The following PRC1 variants were observed in gnomAD, a reference collection of about 807,000 sequenced individuals.
The protein encoded by PRC1 is anaphase spindle elongation 1 homolog.
Under a neutral mutation model 91.2 loss-of-function variants are expected in PRC1, and 54 were observed. The observed-to-expected ratio is 0.59, with a 90% CI of 0.48 to 0.74. The LOEUF is 0.74. Ranked by LOEUF, PRC1 falls within the 30% of genes least tolerant of loss-of-function variation. PRC1 has a pLI of 0.00. For synonymous variants in PRC1, 275 were observed against 263.6 expected (o/e 1.04, Z -0.42); for missense variants, 727 against 746.2 (o/e 0.97, Z 0.30).
In PRC1 at chr15:90,984,549, A is replaced by T; in HGVS notation, c.144+144T>A. 1 of 1,277,020 alleles carries T rather than the reference A, an allele frequency of 7.8e-7. No individual in the cohort carries two copies. Among genetic ancestry groups the T allele is most frequent in the Non-Finnish European group, 1.1e-6 (1 of 926,586 alleles). The allele number at this position is 1,277,020 out of a possible 1,614,324, so 79.1% of individuals were successfully genotyped here. On this transcript the variant is annotated intron_variant, in intron 2 of 14. Transcript: ENST00000394249. This position sits in a 1 kb window ranked among gnomAD's most constrained non-coding sequence, Gnocchi z 5.1. Reference sequence around the variant, plus strand: ...CAGCCTCCTCAAATTTCAAGAAGGGACTTCAAAACCAAACCAAACCAAACA... The same window carrying T: ...CAGCCTCCTCAAATTTCAAGAAGGGTCTTCAAAACCAAACCAAACCAAACA...
chr15:90,969,429 T>A lies in PRC1; in HGVS notation c.1749+18A>T, dbSNP rs751542807. ...TGTGCTCCCCAGAGACTGGTAGATA[T>A]TAGAAAAGGTGAATTACCGCAAACT... On this transcript the variant is annotated intron_variant, in intron 13 of 14. Coordinates refer to ENST00000394249, the MANE Select transcript of PRC1 (RefSeq NM_003981.4). 2 of 1,576,182 alleles carry A rather than the reference T, an allele frequency of 1.3e-6. No homozygotes were observed. Among genetic ancestry groups the A allele is most frequent in the East Asian group, 2.2e-5 (1 of 44,496 alleles).
rs12911192 is a variant in PRC1 at position 90,970,444 on chromosome 15, T to C, written c.1532A>G (p.Tyr511Cys). 0.068 allele frequency: 108,919 copies of C among 1,613,012 alleles called. 4,426 individuals are homozygous for C. Among genetic ancestry groups the C allele is most frequent in the South Asian group, 0.15 (13,697 of 91,020 alleles). The part of the protein sequence containing the change: ...SIRPIFGGTV[Y>C]HSPVSRLPPS... The stretch of plus-strand genomic sequence containing the variant: ...AGGAAGTCGAGACACGGGGGAGTGG[T>C]AGACTGTCCCTCCAAAGATAGGCCG... Residue 511 changes from tyrosine (Y) to cysteine (C), a missense_variant, in exon 12 of 15, where the codon TAC becomes TGC. Coordinates refer to ENST00000394249, the MANE Select transcript of PRC1 (RefSeq NM_003981.4).
Position 90,974,028 on chromosome 15 carries a change from A to T in PRC1, c.1461+108T>A. 2.3e-6 allele frequency: 2 copies of T among 862,072 alleles called. No homozygotes were observed. The highest frequency in any genetic ancestry group is 3.8e-6 in the Non-Finnish European group (2 of 526,462). The allele number at this position is 862,072 out of a possible 1,614,324, so 53.4% of individuals were successfully genotyped here. A position where few individuals can be genotyped will look rare whatever the true frequency, so the allele number is the denominator to read the frequency against. On this transcript the variant is annotated intron_variant, in intron 11 of 14. Transcript: ENST00000394249. This position sits in a 1 kb window ranked among gnomAD's most constrained non-coding sequence, Gnocchi z 4.6. Reference sequence around the variant, plus strand: ...TTTTCTCTGTCTCTTGTCCCACCTGATGAGAAATACCCACAGGTGTGGAGG... The same window carrying T: ...TTTTCTCTGTCTCTTGTCCCACCTGTTGAGAAATACCCACAGGTGTGGAGG...
intron 14 of PRC1, chr15:90,967,941 C>A: frequency 1.0e-6 from 1 of 985,378 alleles, no homozygotes; most frequent in Non-Finnish European, 1.2e-6. Context: ...ATCTACCAAT[C>A]CCTGGGGCTG....
chr15:90,990,431 G>A (rs1434811676), intron 1 of PRC1, among the ~76,000 whole-genome samples: 2 of 145,246 alleles, frequency 1.4e-5, no homozygotes, highest in Admixed American at 1.4e-4. Context: ...TCTCTATGTT[G>A]CCCAAGCTGT....
In PRC1 at chr15:90,981,778, C is replaced by T. The variant is rs555279469; in HGVS notation, c.471G>A (p.Arg157=). The T allele has an allele frequency of 8.1e-6, 13 of 1,613,452 alleles. No individual in the cohort carries two copies. In the African/African-American group the frequency reaches 1.1e-4, roughly 13 times the overall value. ...TTTCCCTCAAAGTTGTCACATGTTG[C>T]CTGAACTGGTTCAGCTCTTCTAAGC... ...VPSLEELNQF[R]QHVTTLRETK... The change falls in exon 4 of 15, where the codon AGG becomes AGA. Residue 157 remains arginine (R), a synonymous_variant. Coordinates refer to ENST00000394249, the MANE Select transcript of PRC1 (RefSeq NM_003981.4).
At chr15:90,988,579 G>C (rs1421006226) in intron 1 of PRC1, 8 of 152,148 alleles carry the variant, frequency 5.3e-5, no homozygotes, top group Admixed American at 5.2e-4. Context: ...TGAACTTCCC[G>C]GGCATTTCCT....
chr15:90,993,098 AAAG>A (rs1312508584), intron 1 of PRC1, among the ~76,000 whole-genome samples: 15 of 149,682 alleles, frequency 1.0e-4, no homozygotes, highest in Non-Finnish European at 1.9e-4. Flanking sequence ...AAAAAAAAAA[AAAG>A]TTAATTATAT....
chr15:90,987,860 G>GAATGT (rs1442191630), intron 1 of PRC1: 4 of 152,138 alleles, frequency 2.6e-5, no homozygotes, highest in Non-Finnish European at 5.9e-5. Flanking sequence ...TCTCTCCAAA[G>GAATGT]CTGTTAATAC....
intron 14 of PRC1, chr15:90,967,846 C>T: frequency 3.0e-6 from 3 of 985,440 alleles, no homozygotes; most frequent in Non-Finnish European, 3.6e-6. Flanking sequence ...CTCTACTTCA[C>T]AGAGCTACTT....
intron 9 of PRC1, 109 bp downstream of exon 9, chr15:90,976,567 T>A: frequency 1.1e-6 from 1 of 920,234 alleles, no homozygotes; most frequent in Non-Finnish European, 1.7e-6. Flanking sequence ...TATCTCTGCC[T>A]AAGCTTTGAA....
intron 14 of PRC1, 65 bp from the exon 15 acceptor site, chr15:90,967,267 G>T: frequency 7.2e-7 from 1 of 1,395,632 alleles, no homozygotes; most frequent in Non-Finnish European, 1.0e-6. Flanking sequence ...ACCCTTCTAA[G>T]TTTGGTTAAG....
intron 11 of PRC1, among the ~76,000 whole-genome samples, chr15:90,973,587 A>G (rs1044920446): frequency 1.3e-5 from 2 of 152,064 alleles, no homozygotes; most frequent in Admixed American, 6.5e-5. Context: ...TGGGAACGGA[A>G]TATCTCGGTG....
At position 90,976,780 on chromosome 15, in the gene PRC1, A is replaced by C; in HGVS notation, c.1108-9T>G. The C allele has an allele frequency of 1.2e-6, 2 of 1,602,800 alleles. No homozygotes were observed. Among genetic ancestry groups the C allele is most frequent in the Non-Finnish European group, 1.7e-6 (2 of 1,170,800 alleles). ...GGATCTGAAGCTTTTCTCTGTGAAAAATACATTTTTAATTAGTGGAAAACC... is the reference window on the plus strand; with the variant it reads ...GGATCTGAAGCTTTTCTCTGTGAAACATACATTTTTAATTAGTGGAAAACC... On this transcript the variant is annotated splice_polypyrimidine_tract_variant and intron_variant, in intron 8 of 14. Coordinates refer to ENST00000394249, the MANE Select transcript of PRC1 (RefSeq NM_003981.4).
chr15:90,986,990 C>G (rs1012652289), intron 1 of PRC1, among the ~76,000 whole-genome samples: 2 of 151,250 alleles, frequency 1.3e-5, no homozygotes, highest in African/African-American at 4.9e-5. Context: ...ACAGGCAAAA[C>G]TGGCCAGGCA....
At chr15:90,969,382 G>C in intron 13 of PRC1, 65 bp downstream of exon 13, 4 of 1,520,954 alleles carry the variant, frequency 2.6e-6, no homozygotes, top group Non-Finnish European at 3.6e-6. Flanking sequence ...CCCCTGGGAA[G>C]ATACCCACTC....
At position 90,984,581 on chromosome 15, in the gene PRC1, G is replaced by T; in HGVS notation, c.144+112C>A. ...AACCAAACCAAACCAAACAGGAAGA[G>T]CCTGTGCTATCCTAATGCCGATGAT... On this transcript the variant is annotated intron_variant, in intron 2 of 14. Transcript: ENST00000394249. The surrounding 1 kb of genome is among the most constrained non-coding windows in gnomAD (Gnocchi z 5.1). The T allele has an allele frequency of 6.9e-7, 1 of 1,452,688 alleles. No homozygotes were observed. The highest frequency in any genetic ancestry group is 9.3e-7 in the Non-Finnish European group (1 of 1,074,406). The allele number at this position is 1,452,688 out of a possible 1,614,324, so 90.0% of individuals were successfully genotyped here. A position where few individuals can be genotyped will look rare whatever the true frequency, so the allele number is the denominator to read the frequency against.
chr15:90,966,462 C>A lies in PRC1; in HGVS notation c.*669G>T. 1 of 391,672 alleles carries A rather than the reference C, an allele frequency of 2.6e-6. No homozygotes were observed. The highest frequency in any genetic ancestry group is 5.3e-6 in the Non-Finnish European group (1 of 189,606). 24.3% of individuals were successfully genotyped at this position (391,672 alleles called of 1,614,324 possible). On this transcript the variant is annotated 3_prime_UTR_variant, in exon 15 of 15. Coordinates refer to ENST00000394249, the MANE Select transcript of PRC1 (RefSeq NM_003981.4). ...GGGGAGATGAGAGCCAAGGGACAAA[C>A]GCCGAGAAAGCGTTCCGACAAGCAT...
intron 9 of PRC1, among the ~76,000 whole-genome samples, chr15:90,975,158 T>G (rs1411287438): frequency 6.6e-6 from 1 of 152,160 alleles, no homozygotes; most frequent in East Asian, 1.9e-4. Context: ...CAGGCTAGAG[T>G]GCAGTGGCAC....
Sources: allele counts gnomAD v4.1 joint callset (sites outside exome capture counted in the v4.1 genomes callset), GRCh38; gene constraint gnomAD v4.1.1; non-coding constraint Gnocchi (gnomAD v3.1); transcripts MANE v1.5; gene names NCBI Gene and HGNC (gene_info 2026-07-23, HGNC 2026-07-21).